Variants in LINGO2 observed in about 807,000 individuals in gnomAD.
LINGO2 encodes the protein leucine-rich repeat and immunoglobulin-like domain-containing nogo receptor-interacting protein 2.
LINGO2 carries 14 observed loss-of-function variants against 30.6 expected under a neutral mutation model. The ratio of observed to expected loss-of-function variants is 0.46; its 90% CI spans 0.30 to 0.72. The LOEUF is 0.72. LINGO2 is among the 30% of genes least tolerant of loss of function. The pLI is 0.07. For synonymous variants in LINGO2, 317 were observed against 288.5 expected, an observed-to-expected ratio of 1.10 and a Z score of -1.00; for missense variants, 729 against 751.7, an observed-to-expected ratio of 0.97 and a Z score of 0.35.
intron 1 of LINGO2, among the ~76,000 whole-genome samples, chr9:28,632,709 T>A (rs550916477): frequency 4.2e-4 from 57 of 134,190 alleles, no homozygotes; most frequent in South Asian, 1.2e-3. Flanking sequence ...TCTATATATT[T>A]ATATATAGAT....
At chr9:28,180,247 A>G (rs529157983) in intron 4 of LINGO2, among the ~76,000 whole-genome samples, 1 of 152,178 alleles carries the variant, frequency 6.6e-6, no homozygotes, top group South Asian at 2.1e-4. Context: ...CTTCTTTTCC[A>G]TGGCTATGTG....
chr9:27,948,245 G>A (rs142770182), exon 6 of LINGO2: 44 of 152,308 alleles, frequency 2.9e-4, no homozygotes, highest in African/African-American at 1.1e-3. Flanking sequence ...TCATCTGTAG[G>A]TAACGGAAGG....
the LINGO2 span, among the ~76,000 whole-genome samples, chr9:28,723,665 G>T: frequency 6.6e-6 from 1 of 152,046 alleles, no homozygotes; most frequent in Non-Finnish European, 1.5e-5. Context: ...AGCCCTGTTG[G>T]TTCAGTGGAT....
At chr9:28,799,810 C>G in the LINGO2 span, among the ~76,000 whole-genome samples, 3 of 152,056 alleles carry the variant, frequency 2.0e-5, no homozygotes, top group African/African-American at 4.8e-5. Flanking sequence ...CATCATCATA[C>G]TCATCACTTG....
At chr9:28,008,082 C>T (rs1243365192) in intron 5 of LINGO2, among the ~76,000 whole-genome samples, 2 of 152,108 alleles carry the variant, frequency 1.3e-5, no homozygotes, top group African/African-American at 2.4e-5. Flanking sequence ...AGGCTCCCGT[C>T]TTACATCGTT....
chr9:28,359,689 T>A (rs573915058), intron 3 of LINGO2, among the ~76,000 whole-genome samples: 2 of 152,292 alleles, frequency 1.3e-5, no homozygotes, highest in African/African-American at 4.8e-5. Flanking sequence ...TAGAATCCAC[T>A]GAGAAACAAA....
chr9:28,778,840 G>C, the LINGO2 span, among the ~76,000 whole-genome samples: 19 of 152,100 alleles, frequency 1.2e-4, no homozygotes, highest in East Asian at 1.7e-3. Flanking sequence ...GATATCTATT[G>C]AAAACACAAA....
chr9:28,776,966 C>G, the LINGO2 span, among the ~76,000 whole-genome samples: 3 of 151,988 alleles, frequency 2.0e-5, no homozygotes, highest in African/African-American at 7.2e-5. Flanking sequence ...GGATTTCCCC[C>G]TTGCTGTTCT....
chr9:29,147,740 C>A, the LINGO2 span, among the ~76,000 whole-genome samples: 1 of 151,984 alleles, frequency 6.6e-6, no homozygotes, highest in African/African-American at 2.4e-5. Context: ...TGAGGACAAG[C>A]CATAAATTTC....
intron 4 of LINGO2, among the ~76,000 whole-genome samples, chr9:28,051,056 A>T (rs572013641): frequency 1.3e-5 from 2 of 150,962 alleles, no homozygotes; most frequent in Admixed American, 1.3e-4. Context: ...TCCAGCTTTT[A>T]GCTAACTCCT....
the LINGO2 span, among the ~76,000 whole-genome samples, chr9:28,846,073 G>C: frequency 6.6e-6 from 1 of 151,620 alleles, no homozygotes; most frequent in Non-Finnish European, 1.5e-5. Context: ...ACTGGATCAT[G>C]AGTTTTGTTC....
Position 28,572,903 on chromosome 9 carries a change from T to C in LINGO2, c.-364-96878A>G, listed in dbSNP as rs149821798. 2.0e-5 allele frequency among the ~76,000 whole-genome samples: 3 copies of C among 152,282 alleles called. No individual in the cohort carries two copies. In the East Asian group the frequency reaches 5.8e-4, roughly 29 times the overall value. The stretch of plus-strand genomic sequence containing the variant: ...TCATAATTTGAGATGTCCTTCAAAG[T>C]AAGATTGCTTTATAAAGATGCCATT... On this transcript the variant is annotated intron_variant, in intron 1 of 5. Transcript: ENST00000379992.
At chr9:29,049,203 G>A in the LINGO2 span, among the ~76,000 whole-genome samples, 1 of 152,162 alleles carries the variant, frequency 6.6e-6, no homozygotes, top group Non-Finnish European at 1.5e-5. Context: ...TGACAAACAG[G>A]CAGATGAAAA....
chr9:28,487,331 G>A (rs1016347801), intron 1 of LINGO2, among the ~76,000 whole-genome samples: 5 of 152,060 alleles, frequency 3.3e-5, no homozygotes, highest in African/African-American at 7.2e-5. Context: ...TTTCAATTTT[G>A]ACTCACCAGG....
the LINGO2 span, among the ~76,000 whole-genome samples, chr9:29,193,513 T>C: frequency 6.6e-6 from 1 of 152,180 alleles, no homozygotes; most frequent in Non-Finnish European, 1.5e-5. Context: ...GGGAGTAGAT[T>C]TGTATGCCTT....
At chr9:28,769,724 C>A in the LINGO2 span, among the ~76,000 whole-genome samples, 1 of 148,036 alleles carries the variant, frequency 6.8e-6, no homozygotes, top group East Asian at 2.0e-4. Flanking sequence ...TGTTCTTCTG[C>A]TTTAGTTTAC....
intron 2 of LINGO2, among the ~76,000 whole-genome samples, chr9:28,472,682 C>G (rs4879247): frequency 0.88 from 134,181 of 152,042 alleles, 59,855 homozygotes; most frequent in East Asian, 1. Context: ...TTGGTCTCTT[C>G]TTTTCATAAA....
chr9:29,179,161 AT>A, the LINGO2 span, among the ~76,000 whole-genome samples: 1 of 1,218 alleles, frequency 8.2e-4, no homozygotes, highest in Non-Finnish European at 6.8e-3. Flanking sequence ...TACTGTAAAT[AT>A]ATATATATAT....
chr9:28,419,826 A>G (rs1024220565), intron 2 of LINGO2, among the ~76,000 whole-genome samples: 1 of 152,032 alleles, frequency 6.6e-6, no homozygotes, highest in African/African-American at 2.4e-5. Flanking sequence ...GTAAATATAA[A>G]TTTATTTTCA....
Sources: allele counts gnomAD v4.1 joint callset (sites outside exome capture counted in the v4.1 genomes callset), GRCh38; gene constraint gnomAD v4.1.1; transcripts MANE v1.5; gene names NCBI Gene and HGNC (gene_info 2026-07-23, HGNC 2026-07-21).